Variants in NALF1 observed in about 807,000 individuals in gnomAD.
NALF1 encodes the protein NALCN channel auxiliary factor 1.
A neutral mutation model predicts 48.4 loss-of-function variants in NALF1; 3 were observed. The observed-to-expected ratio is 0.06, with a 90% CI of 0.03 to 0.16. The LOEUF (loss-of-function observed/expected upper bound fraction) is 0.16. NALF1 is among the 10% of genes least tolerant of loss of function. The pLI, the probability that NALF1 is intolerant of heterozygous loss-of-function variation, is 1.00. For missense variants in NALF1, 526 were observed against 571.5 expected (o/e 0.92, Z 0.81); for synonymous variants, 262 against 245.7 (o/e 1.07, Z -0.62).
chr13:107,267,637 G>A (rs1210986696), intron 1 of NALF1, among the ~76,000 whole-genome samples: 1 of 152,192 alleles, frequency 6.6e-6, no homozygotes, highest in Non-Finnish European at 1.5e-5. Context: ...TATATGTACT[G>A]TTTTCTTCTT....
rs550227043 is a variant in NALF1, at chr13:107,165,130, A to G, written c.*5367T>C. On this transcript the variant is annotated 3_prime_UTR_variant, in exon 3 of 3. Coordinates refer to ENST00000375915, the MANE Select transcript of NALF1 (RefSeq NM_001080396.3). ...TTCTCCACATTAAAAATAAAAATTA[A>G]AAATCTATATTTTATTAAAATATTC... The G allele has an allele frequency of 6.6e-6, 1 of 152,240 alleles. No individual in the cohort carries two copies. The highest frequency in any genetic ancestry group is 1.9e-4 in the East Asian group (1 of 5,178). 9.4% of individuals were successfully genotyped at this position (152,240 alleles called of 1,614,324 possible).
intron 1 of NALF1, among the ~76,000 whole-genome samples, chr13:107,709,478 G>A (rs1594219081): frequency 6.6e-6 from 1 of 152,198 alleles, no homozygotes; most frequent in East Asian, 1.9e-4. Context: ...TCAACTCATT[G>A]CATGCTAACC....
At position 107,714,702 on chromosome 13, in the gene NALF1, G is replaced by A. The variant is rs7991853; in HGVS notation, c.915+150980C>T. Among the ~76,000 whole-genome samples the A allele has an allele frequency of 9.7e-3, 1,453 of 149,146 alleles. 24 individuals are homozygous for A. The highest frequency in any genetic ancestry group is 0.034 in the African/African-American group (1,381 of 40,760). On this transcript the variant is annotated intron_variant, in intron 1 of 2. Transcript: ENST00000375915. The stretch of plus-strand genomic sequence containing the variant: ...GCATTTCCTCTTTTGTTTGTGCTCT[G>A]TTTTGACACTTAAGAGTTTATTTCC...
intron 1 of NALF1, among the ~76,000 whole-genome samples, chr13:107,782,024 T>TCTCCCTCTCCCTCCCC (rs1463857829): frequency 1.3e-5 from 2 of 152,080 alleles, no homozygotes; most frequent in African/African-American, 2.4e-5. Context: ...GAAAATCTTC[T>TCTCCCTCTCCCTCCCC]CTCCCTCTCC....
chr13:107,297,028 A>G (rs949809448), intron 1 of NALF1, among the ~76,000 whole-genome samples: 23 of 151,784 alleles, frequency 1.5e-4, no homozygotes, highest in African/African-American at 5.3e-4. Flanking sequence ...TTATTTTATT[A>G]TTTATTTATT....
chr13:107,174,927 A>C (rs573946104), intron 2 of NALF1, among the ~76,000 whole-genome samples: 80 of 150,746 alleles, frequency 5.3e-4, no homozygotes, highest in African/African-American at 2.0e-3. Context: ...TCTGTCGCCC[A>C]GGCTGGAGTG....
rs530349858 is a variant in NALF1, at chr13:107,776,599, A to G, written c.915+89083T>C. Reference sequence around the variant, plus strand: ...TATTACATTAATTTCACAAGCATGTATTGAATACCTACTGTGTGCTAGAAA... The same window carrying G: ...TATTACATTAATTTCACAAGCATGTGTTGAATACCTACTGTGTGCTAGAAA... On this transcript the variant is annotated intron_variant, in intron 1 of 2. Transcript: ENST00000375915. 4.3e-4 allele frequency among the ~76,000 whole-genome samples: 65 copies of G among 152,376 alleles called. 1 individual carries two copies. In the South Asian group the frequency reaches 0.013, roughly 30 times the overall value.
intron 1 of NALF1, among the ~76,000 whole-genome samples, chr13:107,293,899 T>C (rs1244540794): frequency 2.6e-5 from 4 of 152,242 alleles, no homozygotes. Flanking sequence ...TATTGTTTTA[T>C]ATTAAAATAA....
chr13:107,362,953 C>T lies in NALF1; in HGVS notation c.916-152198G>A, dbSNP rs907979876. On this transcript the variant is annotated intron_variant, in intron 1 of 2. Coordinates refer to ENST00000375915, the MANE Select transcript of NALF1 (RefSeq NM_001080396.3). This position sits in a 1 kb window ranked among gnomAD's most constrained non-coding sequence, Gnocchi z 4.6. ...CCCTTTTCATAGAACTATGATGTCCCCAAGACTCAAAAGCTTACCATATAA... is the reference window on the plus strand; with the variant it reads ...CCCTTTTCATAGAACTATGATGTCCTCAAGACTCAAAAGCTTACCATATAA... 2.6e-5 allele frequency among the ~76,000 whole-genome samples: 4 copies of T among 151,998 alleles called. No homozygotes were observed. The highest frequency in any genetic ancestry group is 7.3e-5 in the African/African-American group (3 of 41,374).
chr13:107,618,611 C>T lies in NALF1; in HGVS notation c.915+247071G>A, dbSNP rs952884514. Among the ~76,000 whole-genome samples, 6 of 152,150 alleles carry T rather than the reference C, an allele frequency of 3.9e-5. No individual in the cohort carries two copies. In the South Asian group the frequency reaches 6.2e-4, roughly 16 times the overall value. ...GCCGGACCGGGATGCTAGCCAGGAG[C>T]GAAGACGATGGGTAGCTGAATTTGA... On this transcript the variant is annotated intron_variant, in intron 1 of 2. Coordinates refer to ENST00000375915, the MANE Select transcript of NALF1 (RefSeq NM_001080396.3).
intron 1 of NALF1, among the ~76,000 whole-genome samples, chr13:107,316,424 G>A (rs147737813): frequency 0.066 from 10,064 of 152,180 alleles, 531 homozygotes; most frequent in African/African-American, 0.13. Context: ...GTAATGGGAT[G>A]GCTGGGTCAA....
intron 1 of NALF1, among the ~76,000 whole-genome samples, chr13:107,387,752 G>T (rs1883554658): frequency 1.3e-5 from 2 of 152,188 alleles, no homozygotes; most frequent in Admixed American, 6.5e-5. Flanking sequence ...CTAACAATTG[G>T]TGCAGCAGCT....
At chr13:107,809,495 C>A in intron 1 of NALF1, among the ~76,000 whole-genome samples, 1 of 152,114 alleles carries the variant, frequency 6.6e-6, no homozygotes, top group Middle Eastern at 3.2e-3. Flanking sequence ...ATTTCAAACT[C>A]TAGAAAAGCC....
intron 1 of NALF1, among the ~76,000 whole-genome samples, chr13:107,760,835 C>T (rs1475484535): frequency 1.3e-5 from 2 of 151,964 alleles, no homozygotes; most frequent in Non-Finnish European, 2.9e-5. Context: ...GCCATTATAA[C>T]ATGTCTTTGA....
chr13:107,412,263 G>A (rs1316971994), intron 1 of NALF1, among the ~76,000 whole-genome samples: 1 of 152,132 alleles, frequency 6.6e-6, no homozygotes, highest in Non-Finnish European at 1.5e-5. Flanking sequence ...GTCTAAGCAT[G>A]TCACGGAAGT....
chr13:107,176,851 AAATTATTCT>A (rs2138769821), intron 2 of NALF1, among the ~76,000 whole-genome samples: 1 of 152,122 alleles, frequency 6.6e-6, no homozygotes, highest in South Asian at 2.1e-4. Context: ...AGAATAAGTC[AAATTATTCT>A]TTGCTGCAGA....
In NALF1 at chr13:107,768,910, A is replaced by T. The variant is rs1488034631; in HGVS notation, c.915+96772T>A. ...GAACAGACACTTCTCAAAAGAAGAC[A>T]TCTATGCAGCCAAAAAACACATGAA... On this transcript the variant is annotated intron_variant, in intron 1 of 2. Transcript: ENST00000375915. Among the ~76,000 whole-genome samples the T allele has an allele frequency of 2.0e-5, 3 of 152,318 alleles. No homozygotes were observed. In the East Asian group the frequency reaches 5.8e-4, roughly 29 times the overall value.
intron 1 of NALF1, among the ~76,000 whole-genome samples, chr13:107,829,685 A>AT (rs758956330): frequency 1.3e-5 from 2 of 152,134 alleles, no homozygotes; most frequent in Non-Finnish European, 2.9e-5. Flanking sequence ...AAAAAAGATC[A>AT]TGAGTTTACT....
intron 1 of NALF1, among the ~76,000 whole-genome samples, chr13:107,861,215 TAAAG>T (rs1015733148): frequency 1.3e-5 from 2 of 152,148 alleles, no homozygotes; most frequent in African/African-American, 4.8e-5. Context: ...TACTAATGGT[TAAAG>T]AAATAAAAAT....
Sources: allele counts gnomAD v4.1 joint callset (sites outside exome capture counted in the v4.1 genomes callset), GRCh38; gene constraint gnomAD v4.1.1; non-coding constraint Gnocchi (gnomAD v3.1); transcripts MANE v1.5; gene names NCBI Gene and HGNC (gene_info 2026-07-23, HGNC 2026-07-21).